MYT1: variants seen among roughly 807,000 people sequenced by gnomAD.
MYT1 encodes myelin transcription factor I.
Under a neutral mutation model 123.0 loss-of-function variants are expected in MYT1, and 23 were observed. That is an observed-to-expected ratio of 0.19 (90% CI 0.13 to 0.26). MYT1 has a LOEUF of 0.26. Ranked by LOEUF, MYT1 falls within the 10% of genes least tolerant of loss-of-function variation. The probability of loss-of-function intolerance (pLI) is 1.00; values close to 1 mark genes in which losing one functional copy is unlikely to be tolerated. For synonymous variants in MYT1, 518 were observed against 575.3 expected (o/e 0.90, Z 1.43); for missense variants, 1,125 against 1,472.5 (o/e 0.76, Z 3.86).
intron 10 of MYT1, among the ~76,000 whole-genome samples, chr20:64,215,378 G>A (rs906209317): frequency 6.6e-6 from 1 of 152,298 alleles, no homozygotes; most frequent in East Asian, 1.9e-4. Flanking sequence ...CTCACTGAAC[G>A]CTAGAGAGAT....
chr20:64,211,638 C>G (rs938534524), intron 8 of MYT1, among the ~76,000 whole-genome samples: 5 of 152,248 alleles, frequency 3.3e-5, no homozygotes, highest in Non-Finnish European at 7.3e-5. Flanking sequence ...GCCATCCAAG[C>G]TGGGAAGGGA....
At chr20:64,227,587 A>T (rs1244526078) in intron 17 of MYT1, 110 bp downstream of exon 17, 7 of 994,524 alleles carry the variant, frequency 7.0e-6, no homozygotes. Context: ...GTCCATTCCC[A>T]TCTCTTTAAT....
At chr20:64,222,127 G>A in intron 14 of MYT1, 80 bp downstream of exon 14, 3 of 1,525,666 alleles carry the variant, frequency 2.0e-6, no homozygotes, top group Non-Finnish European at 2.7e-6. Flanking sequence ...CCCAACCCAT[G>A]ACGACCGGGT....
chr20:64,179,193 C>T (rs1235359148), intron 1 of MYT1, among the ~76,000 whole-genome samples: 1 of 151,120 alleles, frequency 6.6e-6, no homozygotes, highest in Non-Finnish European at 1.5e-5. Context: ...GTGAGATACC[C>T]TTCAACGTGG....
chr20:64,211,996 T>C, intron 8 of MYT1, 52 bp from the exon 9 acceptor site: 1 of 1,493,758 alleles, frequency 6.7e-7, no homozygotes, highest in Non-Finnish European at 9.3e-7. Context: ...CAGCTGGCGC[T>C]CCCCAGATTC....
intron 19 of MYT1, among the ~76,000 whole-genome samples, chr20:64,235,977 C>G (rs1211892453): frequency 8.7e-6 from 1 of 115,020 alleles, no homozygotes; most frequent in African/African-American, 3.5e-5. Context: ...CTGGGATGGC[C>G]GCGGTGGGTG....
chr20:64,170,204 G>A (rs1982208730), intron 1 of MYT1, among the ~76,000 whole-genome samples: 1 of 152,072 alleles, frequency 6.6e-6, no homozygotes, highest in Non-Finnish European at 1.5e-5. Context: ...CTCTTTCAAG[G>A]CTTCTTACAG....
intron 10 of MYT1, among the ~76,000 whole-genome samples, chr20:64,216,344 C>T (rs1372863399): frequency 1.3e-5 from 2 of 152,184 alleles, no homozygotes; most frequent in Admixed American, 1.3e-4. Flanking sequence ...TGCCCCTGTG[C>T]CTTCTATGCC....
At chr20:64,215,111 AT>A (rs1379481099) in intron 10 of MYT1, among the ~76,000 whole-genome samples, 1 of 151,908 alleles carries the variant, frequency 6.6e-6, no homozygotes, top group African/African-American at 2.4e-5. Flanking sequence ...CCTCTATCTT[AT>A]TTGCTGTTCC....
chr20:64,234,530 G>T (rs1280578375), intron 19 of MYT1, among the ~76,000 whole-genome samples: 1 of 152,204 alleles, frequency 6.6e-6, no homozygotes, highest in African/African-American at 2.4e-5. Flanking sequence ...CCATAGGGAG[G>T]CCCTCCAGGT....
At chr20:64,183,167 C>G (rs749181192) in intron 1 of MYT1, among the ~76,000 whole-genome samples, 28 of 152,248 alleles carry the variant, frequency 1.8e-4, no homozygotes, top group Non-Finnish European at 4.0e-4. Flanking sequence ...TGGCCTCTTT[C>G]ACTGAACACG....
rs1221136424 is a variant in MYT1, at chr20:64,186,172, G to T, written c.-98-3891G>T. On this transcript the variant is annotated intron_variant, in intron 1 of 22. Transcript: ENST00000328439. The surrounding 1 kb of genome is among the most constrained non-coding windows in gnomAD (Gnocchi z 4.3). ...TTCTGCCCACAAGAGCCCCATAAAA[G>T]TGAGTGTGGGGCCACCATGGGGACA... is the stretch of plus-strand genomic sequence containing the variant. Among the ~76,000 whole-genome samples, 1 of 152,132 alleles carries T rather than the reference G, an allele frequency of 6.6e-6. No individual in the cohort carries two copies. Among genetic ancestry groups the T allele is most frequent in the Non-Finnish European group, 1.5e-5 (1 of 68,014 alleles).
At position 64,237,420 on chromosome 20, in the gene MYT1, T is replaced by A. The variant is rs778874830; in HGVS notation, c.3093+30T>A. 43 of 1,522,658 alleles carry A rather than the reference T, an allele frequency of 2.8e-5. 1 individual carries two copies. In the South Asian group the frequency reaches 5.0e-4, roughly 18 times the overall value. 94.3% of individuals were successfully genotyped at this position (1,522,658 alleles called of 1,614,324 possible). A position where few individuals can be genotyped will look rare whatever the true frequency, so the allele number is the denominator to read the frequency against. Reference sequence around the variant, plus strand: ...GTGGTGCCGCCCCCCGCTCCTGGGCTCTTTGCCCACCCAACCCAAACATTC... The same window carrying A: ...GTGGTGCCGCCCCCCGCTCCTGGGCACTTTGCCCACCCAACCCAAACATTC... On this transcript the variant is annotated intron_variant, in intron 21 of 22. Coordinates refer to ENST00000328439, the MANE Select transcript of MYT1 (RefSeq NM_004535.3).
intron 2 of MYT1, among the ~76,000 whole-genome samples, chr20:64,197,951 C>T (rs1320167610): frequency 6.6e-6 from 1 of 152,170 alleles, no homozygotes; most frequent in East Asian, 1.9e-4. Context: ...TCCAGGTTGC[C>T]TGTTTCTCAC....
At chr20:64,217,375 G>C in intron 11 of MYT1, 94 bp downstream of exon 11, 2 of 1,359,866 alleles carry the variant, frequency 1.5e-6, no homozygotes, top group Non-Finnish European at 2.1e-6. Context: ...CTCTCGAGGA[G>C]CTACTAGGGA....
At chr20:64,240,041 C>T (rs979407672) in intron 22 of MYT1, 138 bp downstream of exon 22, 3 of 1,344,428 alleles carry the variant, frequency 2.2e-6, no homozygotes, top group Admixed American at 2.1e-5. Flanking sequence ...AGATTCTCTC[C>T]ACCCCGAATG....
Position 64,202,294 on chromosome 20 carries a change from C to T in MYT1, c.86+2372C>T, listed in dbSNP as rs1467698762. 2.6e-5 allele frequency among the ~76,000 whole-genome samples: 4 copies of T among 152,290 alleles called. No individual in the cohort carries two copies. Among genetic ancestry groups the T allele is most frequent in the South Asian group, 2.1e-4 (1 of 4,818 alleles). On this transcript the variant is annotated intron_variant, in intron 4 of 22. Transcript: ENST00000328439. This position sits in a 1 kb window ranked among gnomAD's most constrained non-coding sequence, Gnocchi z 5.0. ...TCGGAGCCCACTGGGAGTGCCTGAGCGAAGAAGCAGTTTGATGGTTTTTCC... is the reference window on the plus strand; with the variant it reads ...TCGGAGCCCACTGGGAGTGCCTGAGTGAAGAAGCAGTTTGATGGTTTTTCC...
chr20:64,200,485 G>T (rs1983263015), intron 4 of MYT1, among the ~76,000 whole-genome samples: 1 of 152,184 alleles, frequency 6.6e-6, no homozygotes, highest in Non-Finnish European at 1.5e-5. Flanking sequence ...GATGGCTTCT[G>T]CCAATCAGGA....
intron 18 of MYT1, among the ~76,000 whole-genome samples, chr20:64,230,284 G>T (rs546070432): frequency 6.6e-6 from 1 of 152,042 alleles, no homozygotes; most frequent in Non-Finnish European, 1.5e-5. Flanking sequence ...AGGCTGAGGC[G>T]GGTGGATCAC....
Sources: allele counts gnomAD v4.1 joint callset (sites outside exome capture counted in the v4.1 genomes callset), GRCh38; gene constraint gnomAD v4.1.1; non-coding constraint Gnocchi (gnomAD v3.1); transcripts MANE v1.5; gene names NCBI Gene and HGNC (gene_info 2026-07-23, HGNC 2026-07-21).